The following NSD2 variants were observed in gnomAD, a reference collection of about 807,000 sequenced individuals.
NSD2 encodes nuclear receptor binding SET domain protein 2.
Under a neutral mutation model 139.0 loss-of-function variants are expected in NSD2, and 12 were observed. That is an observed-to-expected ratio of 0.09 (90% CI 0.06 to 0.14). The LOEUF (loss-of-function observed/expected upper bound fraction) is 0.14, where lower values mean the gene tolerates loss of function less well. Ranked by LOEUF, NSD2 falls within the 10% of genes least tolerant of loss-of-function variation. NSD2 has a pLI of 1.00. For missense variants in NSD2, 1,155 were observed against 1,745.0 expected, an observed-to-expected ratio of 0.66 and a Z score of 6.02; for synonymous variants, 669 against 648.7, an observed-to-expected ratio of 1.03 and a Z score of -0.48.
chr4:1,911,502 C>T (rs1718654104), intron 3 of NSD2, among the ~76,000 whole-genome samples: 1 of 148,138 alleles, frequency 6.8e-6, no homozygotes, highest in South Asian at 2.2e-4. Context: ...GCATGAGAAT[C>T]GCTTGAGCCC....
chr4:1,934,769 A>C (rs1722104543), intron 6 of NSD2, among the ~76,000 whole-genome samples: 1 of 127,016 alleles, frequency 7.9e-6, no homozygotes, highest in Admixed American at 8.3e-5. Flanking sequence ...GATGGCTTGA[A>C]CCCACGAGGC....
chr4:1,904,372 C>A lies in NSD2; in HGVS notation c.754C>A (p.Leu252Ile). Reference sequence around the variant, plus strand: ...TCCACTCCTTCACAGCTATACCAAACTTAAAGGTATTGTGTTCTTTGGGTT... The same window carrying A: ...TCCACTCCTTCACAGCTATACCAAAATTAAAGGTATTGTGTTCTTTGGGTT... ...ADPLLHSYTK[L>I]KGQKKSARQY... The change falls in exon 3 of 22, where the codon CTT becomes ATT. Residue 252 changes from leucine (L) to isoleucine (I), a missense_variant. This residue lies in a region of NSD2 where 34 missense variants were observed against 75.2 expected (regional missense o/e 0.45). Coordinates refer to ENST00000508803, the MANE Select transcript of NSD2 (RefSeq NM_001042424.3). The A allele has an allele frequency of 6.2e-7, 1 of 1,610,380 alleles. No homozygotes were observed. Among genetic ancestry groups the A allele is most frequent in the South Asian group, 1.1e-5 (1 of 90,462 alleles).
chr4:1,973,477 A>G lies in NSD2; in HGVS notation c.3373-1386A>G, dbSNP rs958019935. Reference sequence around the variant, plus strand: ...GCGGCTCAGCGCGTCATGACAAAGCATCTGCAGAGGGCAGATGAGCACCCC... The same window carrying G: ...GCGGCTCAGCGCGTCATGACAAAGCGTCTGCAGAGGGCAGATGAGCACCCC... On this transcript the variant is annotated intron_variant, in intron 18 of 21. Transcript: ENST00000508803. This position sits in a 1 kb window ranked among gnomAD's most constrained non-coding sequence, Gnocchi z 5.5. Among the ~76,000 whole-genome samples, 1 of 152,264 alleles carries G rather than the reference A, an allele frequency of 6.6e-6. No homozygotes were observed. The highest frequency in any genetic ancestry group is 2.4e-5 in the African/African-American group (1 of 41,482).
chr4:1,873,175 G>A (rs913401852), intron 1 of NSD2, among the ~76,000 whole-genome samples: 1 of 152,200 alleles, frequency 6.6e-6, no homozygotes, highest in African/African-American at 2.4e-5. Context: ...GGTTGGTAGA[G>A]TGAGGACTTA....
chr4:1,975,044 G>C, intron 19 of NSD2, 40 bp downstream of exon 19: 1 of 1,613,144 alleles, frequency 6.2e-7, no homozygotes, highest in African/African-American at 1.3e-5. Context: ...TCCTGGCTAT[G>C]GGGGCAGAGT....
chr4:1,955,875 TTA>T lies in NSD2; in HGVS notation c.2675+28_2675+29del. 6.2e-7 allele frequency: 1 copy of T among 1,611,344 alleles called. No individual in the cohort carries two copies. ...GTGTGAGACATAGAATCGTATGCTT[TTA>T]TGTCTTTTCTGTTCACATGTGTTCG... On this transcript the variant is annotated intron_variant, in intron 14 of 21. Transcript: ENST00000508803. This position sits in a 1 kb window ranked among gnomAD's most constrained non-coding sequence, Gnocchi z 4.7.
intron 1 of NSD2, among the ~76,000 whole-genome samples, chr4:1,893,505 ATATTGCAAGATG>A (rs1419629716): frequency 1.3e-5 from 2 of 151,658 alleles, no homozygotes; most frequent in Non-Finnish European, 1.5e-5. Flanking sequence ...CAGTCTTTGC[ATATTGCAAGATG>A]TATTTTGCCT....
At chr4:1,917,087 T>C (rs1450453033) in intron 4 of NSD2, 50 bp downstream of exon 4, 6 of 1,484,008 alleles carry the variant, frequency 4.0e-6, no homozygotes, top group Non-Finnish European at 5.4e-6. Context: ...TTAATTTTTA[T>C]TCTTTAAGTT....
intron 4 of NSD2, among the ~76,000 whole-genome samples, chr4:1,917,271 G>A (rs528649300): frequency 6.6e-6 from 1 of 151,902 alleles, no homozygotes; most frequent in South Asian, 2.1e-4. Flanking sequence ...ACTTGTTTTA[G>A]AATTTATATA....
At chr4:1,876,459 G>A (rs1318445217) in intron 1 of NSD2, among the ~76,000 whole-genome samples, 1 of 152,198 alleles carries the variant, frequency 6.6e-6, no homozygotes, top group African/African-American at 2.4e-5. Context: ...GGGAGGCTGA[G>A]GTGGGAGGAT....
intron 1 of NSD2, among the ~76,000 whole-genome samples, chr4:1,882,569 C>A (rs1714782474): frequency 1.3e-5 from 2 of 152,160 alleles, no homozygotes; most frequent in Non-Finnish European, 2.9e-5. Flanking sequence ...GAGGCTGAGG[C>A]AGGAGAATGG....
rs1397838555 is a variant in NSD2, at chr4:1,978,865, A to AGGC, written c.4063_4065dup (p.Arg1356dup). On this transcript the variant is annotated inframe_insertion, in exon 22 of 22. Transcript: ENST00000508803. ...AGAGCCAGGGAAGCCGAAGGGGAAG[A>AGGC]GGCGGCGGCGGAGGGGCTGGCGGAG... is the stretch of plus-strand genomic sequence containing the variant. 6.3e-7 allele frequency: 1 copy of AGGC among 1,595,578 alleles called. No individual in the cohort carries two copies.
Position 1,935,173 on chromosome 4 carries a change from A to T in NSD2, c.1585A>T (p.Thr529Ser). The change falls in exon 7 of 22, where the codon ACA becomes TCA. Residue 529 changes from threonine to serine, a missense_variant. By Grantham distance (58) the Thr-to-Ser change is moderately conservative (BLOSUM62 1). Transcript: ENST00000508803. ...GNVNGKKRNH[T>S]KRIQDPTEDA... is the part of the protein sequence containing the mutation. Reference sequence around the variant, plus strand: ...TGTAAATGGGAAAAAAAGAAACCACACAAAGAGGATACAGGACCCTACAGA... The same window carrying T: ...TGTAAATGGGAAAAAAAGAAACCACTCAAAGAGGATACAGGACCCTACAGA... 1.2e-6 allele frequency: 2 copies of T among 1,612,888 alleles called. No individual in the cohort carries two copies. The highest frequency in any genetic ancestry group is 1.7e-6 in the Non-Finnish European group (2 of 1,179,348).
intron 1 of NSD2, among the ~76,000 whole-genome samples, chr4:1,878,369 A>G (rs1472250875): frequency 1.4e-5 from 2 of 147,054 alleles, no homozygotes; most frequent in African/African-American, 2.5e-5. Context: ...TGGCCTCCCA[A>G]AGTGTTCGGA....
rs1357761184 is a variant in NSD2 at position 1,959,393 on chromosome 4, G to T, written c.2986-78G>T. The T allele has an allele frequency of 9.1e-6, 14 of 1,544,862 alleles. 1 individual carries two copies. The Admixed American group carries it at 1.9e-4, about 21-fold the overall frequency. On this transcript the variant is annotated intron_variant, in intron 16 of 21. Transcript: ENST00000508803. ...AAAGGCCACCTGGAGGCTGGGTAAG[G>T]AGAGGCAGTGGTGGGTGTGCAAGGG...
At chr4:1,951,245 G>C (rs1577525728) in intron 10 of NSD2, 42 bp downstream of exon 10, 1 of 1,612,196 alleles carries the variant, frequency 6.2e-7, no homozygotes, top group East Asian at 2.2e-5. Context: ...GCTGGTGTCT[G>C]ACTGGGGCCC....
chr4:1,913,643 G>T (rs904646389), intron 3 of NSD2, among the ~76,000 whole-genome samples: 8 of 152,192 alleles, frequency 5.3e-5, no homozygotes, highest in Middle Eastern at 3.2e-3. Flanking sequence ...AGGGCCCCCT[G>T]TCTGGTGGAC....
At position 1,871,451 on chromosome 4, in the gene NSD2, C is replaced by A; in HGVS notation, c.-121C>A. 1 of 148,378 alleles carries A rather than the reference C, an allele frequency of 6.7e-6. No individual in the cohort carries two copies. The highest frequency in any genetic ancestry group is 1.8e-4 in the South Asian group (1 of 5,524). The allele number at this position is 148,378 out of a possible 1,614,324, so 9.2% of individuals were successfully genotyped here. ...CTGCGCCCGCCGCCGCCGCCGCCCCCTCCCCGCCTGGGCCCTACCGCCGCA... is the reference window on the plus strand; with the variant it reads ...CTGCGCCCGCCGCCGCCGCCGCCCCATCCCCGCCTGGGCCCTACCGCCGCA... On this transcript the variant is annotated 5_prime_UTR_variant, in exon 1 of 22. Coordinates refer to ENST00000508803, the MANE Select transcript of NSD2 (RefSeq NM_001042424.3).
At chr4:1,898,305 T>C (rs377256562) in intron 1 of NSD2, among the ~76,000 whole-genome samples, 2 of 152,346 alleles carry the variant, frequency 1.3e-5, no homozygotes, top group South Asian at 2.1e-4. Flanking sequence ...CAAGCTGGTC[T>C]TGAATTCCTG....
Sources: allele counts gnomAD v4.1 joint callset (sites outside exome capture counted in the v4.1 genomes callset), GRCh38; gene constraint gnomAD v4.1.1; regional missense constraint gnomAD v4.1.1; non-coding constraint Gnocchi (gnomAD v3.1); transcripts MANE v1.5; gene names NCBI Gene and HGNC (gene_info 2026-07-23, HGNC 2026-07-21).